The following TRAF2 variants were observed in gnomAD, a reference collection of about 807,000 sequenced individuals.
The protein encoded by TRAF2 is TNF receptor associated factor 2, also known as TNF receptor-associated factor 2.
In TRAF2, 6 loss-of-function variants were observed where a neutral mutation model predicts 55.6. That is an observed-to-expected ratio of 0.11 (90% confidence interval 0.06 to 0.21). The LOEUF is 0.21. TRAF2 is among the 10% of genes least tolerant of loss of function. The probability of loss-of-function intolerance (pLI) is 1.00; values close to 1 mark genes in which losing one functional copy is unlikely to be tolerated. For synonymous variants in TRAF2, 329 were observed against 276.3 expected (o/e 1.19, Z -1.89); for missense variants, 561 against 684.5 (o/e 0.82, Z 2.01).
chr9:136,916,724 C>G, intron 7 of TRAF2, 109 bp downstream of exon 7: 1 of 1,061,256 alleles, frequency 9.4e-7, no homozygotes, highest in South Asian at 1.3e-5. Context: ...TCAGCCACCT[C>G]TGCAGCACTG....
intron 4 of TRAF2, among the ~76,000 whole-genome samples, chr9:136,906,046 T>G (rs1235263314): frequency 6.6e-6 from 1 of 152,058 alleles, no homozygotes; most frequent in Non-Finnish European, 1.5e-5. Context: ...TGGAGGTTGC[T>G]GGTTGCAGTG....
At chr9:136,924,941 G>A (rs772048043) in intron 10 of TRAF2, among the ~76,000 whole-genome samples, 4 of 152,144 alleles carry the variant, frequency 2.6e-5, no homozygotes, top group Non-Finnish European at 2.9e-5. Flanking sequence ...GTTTCTCCAT[G>A]TTGGCCAGGC....
At chr9:136,896,782 G>T (rs988599254) in intron 1 of TRAF2, among the ~76,000 whole-genome samples, 5 of 152,054 alleles carry the variant, frequency 3.3e-5, no homozygotes, top group East Asian at 3.8e-4. Flanking sequence ...CTAATTTTTT[G>T]TATTTTTAAT....
At chr9:136,898,594 C>A in intron 1 of TRAF2, 119 bp from the exon 2 acceptor site, 2 of 1,478,606 alleles carry the variant, frequency 1.4e-6, no homozygotes, top group Non-Finnish European at 9.0e-7. Context: ...TGAGTCTTGA[C>A]CGCAGGTCAG....
At chr9:136,925,450 G>A (rs1310690114) in intron 10 of TRAF2, among the ~76,000 whole-genome samples, 1 of 152,258 alleles carries the variant, frequency 6.6e-6, no homozygotes, top group Non-Finnish European at 1.5e-5. Flanking sequence ...AGGCCAGAAT[G>A]GACACAGATT....
intron 10 of TRAF2, 102 bp from the exon 11 acceptor site, chr9:136,925,581 G>C: frequency 1.6e-6 from 2 of 1,231,726 alleles, no homozygotes; most frequent in Non-Finnish European, 2.3e-6. Context: ...CTGGGTCCTG[G>C]GATGGCCTCC....
chr9:136,917,253 G>C (rs1367156998), intron 7 of TRAF2, among the ~76,000 whole-genome samples: 5 of 152,330 alleles, frequency 3.3e-5, no homozygotes, highest in African/African-American at 1.2e-4. Context: ...TTCTCATTCA[G>C]AGTGGCCTGC....
chr9:136,890,518 C>T (rs1395236543), intron 1 of TRAF2: 1 of 152,188 alleles, frequency 6.6e-6, no homozygotes, highest in African/African-American at 2.4e-5. Context: ...TGAGAGCTCC[C>T]TAGTCTAAGC....
intron 7 of TRAF2, 45 bp from the exon 8 acceptor site, chr9:136,920,189 C>T (rs565667426): frequency 1.9e-5 from 29 of 1,553,924 alleles, no homozygotes; most frequent in East Asian, 6.9e-5. Context: ...GGGTGGGAGC[C>T]GAATGGTGGA....
At chr9:136,922,058 C>T (rs546213613) in intron 9 of TRAF2, among the ~76,000 whole-genome samples, 1 of 152,362 alleles carries the variant, frequency 6.6e-6, no homozygotes, top group Non-Finnish European at 1.5e-5. Context: ...GGCACCTTTC[C>T]TGTTTGAATT....
At chr9:136,885,640 C>T (rs558131713), upstream of TRAF2, among the ~76,000 whole-genome samples, 517 of 152,206 alleles carry the variant, frequency 3.4e-3, no homozygotes, top group Non-Finnish European at 6.0e-3. Flanking sequence ...TGATGGCGGG[C>T]GCCTGTAGTC....
Position 136,899,691 on chromosome 9 carries a change from A to G in TRAF2, c.267+19A>G, listed in dbSNP as rs1387545981. 3 of 1,607,732 alleles carry G rather than the reference A, an allele frequency of 1.9e-6. No homozygotes were observed. In the South Asian group the frequency reaches 3.3e-5, roughly 18 times the overall value. ...CAGTTCGGTAAGTAAAATGTCTTGAAGCTAAAAATGTTGAACAGAAAATGT... is the reference window on the plus strand; with the variant it reads ...CAGTTCGGTAAGTAAAATGTCTTGAGGCTAAAAATGTTGAACAGAAAATGT... On this transcript the variant is annotated intron_variant, in intron 3 of 10. Coordinates refer to ENST00000247668, the MANE Select transcript of TRAF2 (RefSeq NM_021138.4).
chr9:136,902,649 C>G (rs1286285913), intron 4 of TRAF2, among the ~76,000 whole-genome samples: 1 of 152,186 alleles, frequency 6.6e-6, no homozygotes, highest in African/African-American at 2.4e-5. Context: ...GGGGCGGGCA[C>G]TGCTCTGGAA....
chr9:136,894,833 C>T (rs528788538), intron 1 of TRAF2, among the ~76,000 whole-genome samples: 1 of 152,282 alleles, frequency 6.6e-6, no homozygotes, highest in African/African-American at 2.4e-5. Flanking sequence ...TCCTGGATAG[C>T]TGGGCATGGA....
intron 8 of TRAF2, among the ~76,000 whole-genome samples, 160 bp downstream of exon 8, chr9:136,920,675 C>T (rs1324320350): frequency 6.6e-6 from 1 of 152,198 alleles, no homozygotes; most frequent in Non-Finnish European, 1.5e-5. Flanking sequence ...GAGGCTCTGG[C>T]CCCCTTCATT....
At chr9:136,910,214 C>T (rs1047115150) in intron 6 of TRAF2, 34 of 601,102 alleles carry the variant, frequency 5.7e-5, no homozygotes, top group Non-Finnish European at 6.0e-5. Context: ...TCTTCCTCAT[C>T]CTCCAGTGTA....
Position 136,905,217 on chromosome 9 carries a change from G to A in TRAF2, c.367-2853G>A, listed in dbSNP as rs536469314. ...GAAGGGCCCCGCAGCCAGGTCCTCTGCTGCCCTGGCCTCTCAGGAACCTTC... is the reference window on the plus strand; with the variant it reads ...GAAGGGCCCCGCAGCCAGGTCCTCTACTGCCCTGGCCTCTCAGGAACCTTC... On this transcript the variant is annotated intron_variant, in intron 4 of 10. Transcript: ENST00000247668. Among the ~76,000 whole-genome samples, 3 of 152,346 alleles carry A rather than the reference G, an allele frequency of 2.0e-5. No individual in the cohort carries two copies. In the South Asian group the frequency reaches 6.2e-4, roughly 32 times the overall value.
intron 1 of TRAF2, among the ~76,000 whole-genome samples, chr9:136,897,325 G>A (rs1849702157): frequency 6.6e-6 from 1 of 152,194 alleles, no homozygotes; most frequent in African/African-American, 2.4e-5. Flanking sequence ...AGAGGGCATG[G>A]TGCAGGGCGC....
At position 136,926,123 on chromosome 9, in the gene TRAF2, AGCCAAG is replaced by A; in HGVS notation, c.*224_*229del. On this transcript the variant is annotated 3_prime_UTR_variant, in exon 11 of 11. Transcript: ENST00000247668. ...GCGGAGGGGCTTGGCAGACGGTCTT[AGCCAAG>A]GGCTGTGGTGGCATTGGCCGAGGGT... The A allele has an allele frequency of 1.4e-6, 1 of 737,532 alleles. No homozygotes were observed. 45.7% of individuals were successfully genotyped at this position (737,532 alleles called of 1,614,324 possible). A position where few individuals can be genotyped will look rare whatever the true frequency, so the allele number is the denominator to read the frequency against.
Sources: allele counts gnomAD v4.1 joint callset (sites outside exome capture counted in the v4.1 genomes callset), GRCh38; gene constraint gnomAD v4.1.1; transcripts MANE v1.5; gene names NCBI Gene and HGNC (gene_info 2026-07-23, HGNC 2026-07-21).